NAXD: variants seen among roughly 807,000 people sequenced by gnomAD.
The protein encoded by NAXD is NAD(P)HX dehydratase, also known as ATP-dependent (S)-NAD(P)H-hydrate dehydratase.
A neutral mutation model predicts 35.8 loss-of-function variants in NAXD; 22 were observed. The observed-to-expected ratio is 0.62, with a 90% CI of 0.44 to 0.88. The LOEUF is 0.88. NAXD is among the 40% of genes least tolerant of loss of function. The pLI is 0.00. For missense variants in NAXD, 428 were observed against 437.7 expected, an observed-to-expected ratio of 0.98 and a Z score of 0.20; for synonymous variants, 189 against 177.6, an observed-to-expected ratio of 1.06 and a Z score of -0.51.
intron 5 of NAXD, among the ~76,000 whole-genome samples, chr13:110,630,941 C>T (rs1886675344): frequency 6.6e-6 from 1 of 152,182 alleles, no homozygotes; most frequent in African/African-American, 2.4e-5. Context: ...AAGCCCGAGT[C>T]CTCCAAATTC....
At chr13:110,625,950 T>C (rs1886460582) in intron 4 of NAXD, among the ~76,000 whole-genome samples, 1 of 151,694 alleles carries the variant, frequency 6.6e-6, no homozygotes, top group Non-Finnish European at 1.5e-5. Flanking sequence ...GCTGTGAGAG[T>C]GGGCAGAGGG....
intron 1 of NAXD, among the ~76,000 whole-genome samples, chr13:110,620,563 A>T (rs1174140832): frequency 1.4e-5 from 2 of 138,384 alleles, no homozygotes; most frequent in East Asian, 4.3e-4. Context: ...CTGGCGACAG[A>T]GTGAGACTCT....
At chr13:110,624,120 T>C in intron 2 of NAXD, 114 bp from the exon 3 acceptor site, 2 of 660,504 alleles carry the variant, frequency 3.0e-6, no homozygotes. Flanking sequence ...TGTTATTTAT[T>C]GATAAACCAT....
intron 9 of NAXD, chr13:110,637,870 A>ACCATCCCCCAAACTAGGTGTGT (rs1484372751): frequency 6.3e-6 from 3 of 479,784 alleles, no homozygotes; most frequent in African/African-American, 5.9e-5. Context: ...AGAGTCTGGG[A>ACCATCCCCCAAACTAGGTGTGT]CCATCCCCCA....
chr13:110,638,158 T>TA lies in NAXD; in HGVS notation c.840-219dup, dbSNP rs1174622904. 11 of 1,356,432 alleles carry TA rather than the reference T, an allele frequency of 8.1e-6. No individual in the cohort carries two copies. The highest frequency in any genetic ancestry group is 2.0e-6 in the Non-Finnish European group (2 of 987,630). The allele number at this position is 1,356,432 out of a possible 1,614,324, so 84.0% of individuals were successfully genotyped here. A position where few individuals can be genotyped will look rare whatever the true frequency, so the allele number is the denominator to read the frequency against. ...AGCCCTGGACCTGTCTCCGAGTACA[T>TA]AGACGTTTCCTGTGTGCCTCCTGCC... On this transcript the variant is annotated intron_variant, in intron 9 of 9. Transcript: ENST00000680254. This position sits in a 1 kb window ranked among gnomAD's most constrained non-coding sequence, Gnocchi z 5.4.
At chr13:110,631,585 T>C (rs546007887) in intron 5 of NAXD, among the ~76,000 whole-genome samples, 9 of 152,296 alleles carry the variant, frequency 5.9e-5, no homozygotes, top group South Asian at 4.1e-4. Context: ...TTGAGTACTA[T>C]TTGCAAATAC....
intron 2 of NAXD, among the ~76,000 whole-genome samples, chr13:110,623,499 C>T (rs112397881): frequency 4.6e-5 from 7 of 152,320 alleles, no homozygotes; most frequent in African/African-American, 1.7e-4. Context: ...CATCTGGCCT[C>T]TGCTGACTGT....
chr13:110,626,211 A>C (rs566160864), intron 4 of NAXD, among the ~76,000 whole-genome samples: 1 of 151,994 alleles, frequency 6.6e-6, no homozygotes, highest in African/African-American at 2.4e-5. Context: ...AGGCTGTGGT[A>C]AGGACCTGTG....
intron 4 of NAXD, among the ~76,000 whole-genome samples, 185 bp downstream of exon 4, chr13:110,625,463 C>G (rs330561): frequency 6.6e-6 from 1 of 152,224 alleles, no homozygotes. Flanking sequence ...ACAGAGACGG[C>G]GGGGTGGAGA....
chr13:110,627,426 T>A lies in NAXD; in HGVS notation c.333-13T>A, dbSNP rs757598469. 5 of 1,598,226 alleles carry A rather than the reference T, an allele frequency of 3.1e-6. No homozygotes were observed. The highest frequency in any genetic ancestry group is 8.6e-7 in the Non-Finnish European group (1 of 1,166,508). ...TTGTGGGTAACCATCCTGGCCTTCC[T>A]TTCCTTCTTTAGTGACAGCCCCAAT... On this transcript the variant is annotated splice_polypyrimidine_tract_variant and intron_variant, in intron 4 of 9. Transcript: ENST00000680254.
upstream of NAXD, chr13:110,615,533 G>A (rs1012152579): frequency 3.0e-6 from 4 of 1,321,776 alleles, no homozygotes; most frequent in Middle Eastern, 3.9e-4. Context: ...CGGGAAACCG[G>A]AAAACGCTTC....
At chr13:110,620,528 C>T (rs558362987) in intron 1 of NAXD, among the ~76,000 whole-genome samples, 29 of 146,974 alleles carry the variant, frequency 2.0e-4, no homozygotes, top group African/African-American at 7.3e-4. Context: ...TGCAGTGAGC[C>T]GAGATTGTAC....
intron 5 of NAXD, among the ~76,000 whole-genome samples, chr13:110,630,831 C>T (rs559871919): frequency 6.6e-6 from 1 of 152,270 alleles, no homozygotes; most frequent in Admixed American, 6.5e-5. Flanking sequence ...AATGTGAAGG[C>T]TTATTTCTGG....
chr13:110,633,196 G>C (rs1392251718), intron 5 of NAXD, among the ~76,000 whole-genome samples: 1 of 152,192 alleles, frequency 6.6e-6, no homozygotes, highest in Non-Finnish European at 1.5e-5. Flanking sequence ...GCTAAGGCCC[G>C]GTGAGAAATT....
At chr13:110,616,989 C>CT (rs1248001313) in intron 1 of NAXD, among the ~76,000 whole-genome samples, 6 of 152,216 alleles carry the variant, frequency 3.9e-5, no homozygotes, top group African/African-American at 1.2e-4. Flanking sequence ...AGGGAGGCTT[C>CT]TTAACACTTT....
chr13:110,638,909 G>A lies in NAXD; in HGVS notation c.*381G>A, dbSNP rs424943. 118,542 of 372,264 alleles carry A rather than the reference G, an allele frequency of 0.32. 20,242 individuals carry two copies. The highest frequency in any genetic ancestry group is 0.47 in the Admixed American group (12,912 of 27,528). 23.1% of individuals were successfully genotyped at this position (372,264 alleles called of 1,614,324 possible). On this transcript the variant is annotated 3_prime_UTR_variant, in exon 10 of 10. Coordinates refer to ENST00000680254, the MANE Select transcript of NAXD (RefSeq NM_001242882.2). The surrounding 1 kb of genome is among the most constrained non-coding windows in gnomAD (Gnocchi z 5.4). The stretch of plus-strand genomic sequence containing the variant: ...GTTACTCTCTCTGCCGGCGCCCTTC[G>A]TTCCTCCTCTGCTTCCCTTCCCTAG...
At position 110,638,251 on chromosome 13, in the gene NAXD, A is replaced by G; in HGVS notation, c.840-127A>G. 6.4e-7 allele frequency: 1 copy of G among 1,570,476 alleles called. No homozygotes were observed. Among genetic ancestry groups the G allele is most frequent in the South Asian group, 1.2e-5 (1 of 83,756 alleles). ...CCTGCTTTCTCCTCAGGGGCATATC[A>G]GACTTGAAATTGACAATTTGGGGTC... On this transcript the variant is annotated intron_variant, in intron 9 of 9. Transcript: ENST00000680254. The surrounding 1 kb of genome is among the most constrained non-coding windows in gnomAD (Gnocchi z 5.4).
chr13:110,634,736 C>T lies in NAXD; in HGVS notation c.557C>T (p.Thr186Ile), dbSNP rs754681190. 2.5e-6 allele frequency: 4 copies of T among 1,614,116 alleles called. No individual in the cohort carries two copies. In the East Asian group the frequency reaches 6.7e-5, roughly 27 times the overall value. ...LIHGYRKAVL[T>I]PNHVEFSRLY... ...CATGGCTACCGGAAGGCTGTGCTCACTCCCAACCACGTGGAGTTCAGCAGA... is the reference window on the plus strand; with the variant it reads ...CATGGCTACCGGAAGGCTGTGCTCATTCCCAACCACGTGGAGTTCAGCAGA... Residue 186 changes from threonine (T) to isoleucine (I), a missense_variant, in exon 7 of 10, where the codon ACT becomes ATT. Physicochemically the swap from Thr to Ile is moderately conservative, Grantham distance 89. Coordinates refer to ENST00000680254, the MANE Select transcript of NAXD (RefSeq NM_001242882.2).
rs116655325 is a variant in NAXD at position 110,625,989 on chromosome 13, A to G, written c.332+711A>G. 6.9e-3 allele frequency among the ~76,000 whole-genome samples: 1,045 copies of G among 152,106 alleles called. 6 individuals are homozygous for G. The highest frequency in any genetic ancestry group is 0.022 in the African/African-American group (919 of 41,492). On this transcript the variant is annotated intron_variant, in intron 4 of 9. Transcript: ENST00000680254. ...GTTGGGGCGGCAGCACAGTGTGATG[A>G]CGCCTGGGTCGAGCCCGGCCTCTCC...
Sources: gnomAD v4.1 joint callset for allele counts (sites outside exome capture counted in the v4.1 genomes callset) on GRCh38, gnomAD v4.1.1 for gene constraint, Gnocchi (gnomAD v3.1) non-coding constraint, MANE v1.5 for transcripts, NCBI Gene and HGNC (gene_info 2026-07-23, HGNC 2026-07-21) for gene names.